TIPIN: variants seen among roughly 807,000 people sequenced by gnomAD.
TIPIN encodes TIMELESS interacting protein.
A neutral mutation model predicts 35.6 loss-of-function variants in TIPIN; 29 were observed. That is an observed-to-expected ratio of 0.82 (90% CI 0.61 to 1.11). The LOEUF is 1.11. TIPIN is among the 50% of genes most tolerant of loss of function. The probability of loss-of-function intolerance (pLI) is 0.00; values close to 1 mark genes in which losing one functional copy is unlikely to be tolerated. For missense variants in TIPIN, 296 were observed against 345.4 expected, an observed-to-expected ratio of 0.86 and a Z score of 1.13; for synonymous variants, 102 against 121.5, an observed-to-expected ratio of 0.84 and a Z score of 1.06.
intron 6 of TIPIN, 74 bp downstream of exon 6, chr15:66,348,986 T>G: frequency 2.2e-5 from 26 of 1,195,946 alleles, no homozygotes; most frequent in Non-Finnish European, 3.0e-5. Context: ...ATTACAGGGT[T>G]GAGCCACCAC....
intron 4 of TIPIN, 138 bp from the exon 5 acceptor site, chr15:66,349,575 G>C (rs994714785): frequency 1.7e-6 from 2 of 1,148,174 alleles, no homozygotes; most frequent in Non-Finnish European, 2.4e-6. Context: ...CTTATAAAAG[G>C]AACTTTAATA....
chr15:66,386,493 C>T (rs1228307280), intron 1 of TIPIN: 1 of 152,788 alleles, frequency 6.5e-6, no homozygotes, highest in African/African-American at 2.4e-5. Context: ...TCCTATTCCC[C>T]ACGCTGCCTC....
rs1250330924 is a variant in TIPIN at position 66,349,496 on chromosome 15, A to C, written c.289-59T>G. 17 of 1,566,740 alleles carry C rather than the reference A, an allele frequency of 1.1e-5. No individual in the cohort carries two copies. In the Admixed American group the frequency reaches 3.4e-4, roughly 32 times the overall value. On this transcript the variant is annotated intron_variant, in intron 4 of 7. Coordinates refer to ENST00000261881, the MANE Select transcript of TIPIN (RefSeq NM_017858.3). ...TCTCATTCTCACAGCTGACCCCGTC[A>C]GCAACTTTCAGAACTGAAAAGCTAT... is the stretch of plus-strand genomic sequence containing the variant.
intron 1 of TIPIN, among the ~76,000 whole-genome samples, chr15:66,375,532 A>C (rs1397433317): frequency 1.5e-5 from 2 of 135,750 alleles, no homozygotes; most frequent in Non-Finnish European, 3.3e-5. Context: ...TATATATTTC[A>C]AAAGCCCTTT....
In TIPIN at chr15:66,336,750, C is replaced by A; in HGVS notation, c.*208G>T. On this transcript the variant is annotated 3_prime_UTR_variant, in exon 8 of 8. Transcript: ENST00000261881. ...TCCTAATCATTTTATGAAGAAATAC[C>A]TATATAAAAACAAACACTAAAGAGA... 1 of 508,380 alleles carries A rather than the reference C, an allele frequency of 2.0e-6. No homozygotes were observed. Among genetic ancestry groups the A allele is most frequent in the South Asian group, 2.7e-5 (1 of 37,616 alleles). The allele number at this position is 508,380 out of a possible 1,614,324, so 31.5% of individuals were successfully genotyped here.
intron 1 of TIPIN, chr15:66,379,369 C>G: frequency 6.3e-7 from 1 of 1,597,714 alleles, no homozygotes; most frequent in Non-Finnish European, 8.5e-7. Flanking sequence ...GTTCCTTTTT[C>G]AGAGACATAG....
intron 1 of TIPIN, among the ~76,000 whole-genome samples, chr15:66,371,738 C>T (rs780270770): frequency 2.0e-5 from 3 of 151,830 alleles, no homozygotes; most frequent in Admixed American, 6.6e-5. Flanking sequence ...AGAATGGTCT[C>T]GATCTCCTGA....
At chr15:66,370,746 G>GT (rs900396030) in intron 1 of TIPIN, among the ~76,000 whole-genome samples, 2 of 152,044 alleles carry the variant, frequency 1.3e-5, no homozygotes, top group South Asian at 2.1e-4. Flanking sequence ...CAATGAGCAA[G>GT]TTTTTTTTAT....
intron 1 of TIPIN, among the ~76,000 whole-genome samples, chr15:66,368,660 T>G (rs1378926277): frequency 6.6e-6 from 1 of 152,170 alleles, no homozygotes; most frequent in Non-Finnish European, 1.5e-5. Context: ...TCCAAATATA[T>G]TGAATTTATG....
intron 1 of TIPIN, among the ~76,000 whole-genome samples, chr15:66,385,575 C>T (rs989562075): frequency 4.0e-5 from 6 of 151,326 alleles, no homozygotes; most frequent in South Asian, 2.1e-4. Flanking sequence ...CTGCAACCTC[C>T]GCCTCCCGAG....
chr15:66,350,771 T>C (rs1231232731), intron 4 of TIPIN, among the ~76,000 whole-genome samples: 1 of 142,386 alleles, frequency 7.0e-6, no homozygotes, highest in African/African-American at 2.8e-5. Context: ...CTACTAAAAA[T>C]ACAAAAAAAA....
intron 7 of TIPIN, among the ~76,000 whole-genome samples, chr15:66,340,572 T>A (rs2093079340): frequency 6.6e-6 from 1 of 152,128 alleles, no homozygotes. Flanking sequence ...TTATTAAGAA[T>A]TTAAAATCAA....
intron 1 of TIPIN, among the ~76,000 whole-genome samples, chr15:66,355,240 A>C (rs1184329728): frequency 6.6e-6 from 1 of 150,900 alleles, no homozygotes; most frequent in Non-Finnish European, 1.5e-5. Context: ...TCACCGTGTT[A>C]GCCAGGATGG....
At chr15:66,356,119 C>T (rs1156648322) in intron 1 of TIPIN, among the ~76,000 whole-genome samples, 5 of 152,070 alleles carry the variant, frequency 3.3e-5, no homozygotes, top group Admixed American at 3.3e-4. Context: ...GGTTTGTTCC[C>T]AGACCCTGGT....
chr15:66,350,443 A>T (rs2093159556), intron 4 of TIPIN, among the ~76,000 whole-genome samples: 1 of 151,144 alleles, frequency 6.6e-6, no homozygotes, highest in Non-Finnish European at 1.5e-5. Flanking sequence ...CATCTCTACC[A>T]AAAATACAAA....
chr15:66,360,852 G>A (rs2093227910), upstream of TIPIN, among the ~76,000 whole-genome samples: 1 of 152,172 alleles, frequency 6.6e-6, no homozygotes, highest in African/African-American at 2.4e-5. Context: ...TGTAATCCCA[G>A]CTACTGGGGA....
chr15:66,379,957 G>C, intron 1 of TIPIN: 1 of 898,336 alleles, frequency 1.1e-6, no homozygotes, highest in Non-Finnish European at 1.7e-6. Flanking sequence ...TTTATTATAG[G>C]ATAAAAAGTA....
intron 6 of TIPIN, among the ~76,000 whole-genome samples, chr15:66,346,456 G>A (rs1399594127): frequency 6.6e-6 from 1 of 151,676 alleles, no homozygotes; most frequent in Non-Finnish European, 1.5e-5. Flanking sequence ...CCTCCTTTGT[G>A]AAGTTCTCCC....
intron 1 of TIPIN, among the ~76,000 whole-genome samples, 161 bp from the exon 2 acceptor site, chr15:66,353,116 C>G (rs1161844559): frequency 1.3e-5 from 2 of 152,116 alleles, no homozygotes; most frequent in African/African-American, 4.8e-5. Flanking sequence ...AAAAAAAAGA[C>G]TAGCCTAGAA....
Sources: allele counts gnomAD v4.1 joint callset (sites outside exome capture counted in the v4.1 genomes callset), GRCh38; gene constraint gnomAD v4.1.1; transcripts MANE v1.5; gene names NCBI Gene and HGNC (gene_info 2026-07-23, HGNC 2026-07-21).